SMC2: variants seen among roughly 807,000 people sequenced by gnomAD.
The protein encoded by SMC2 is structural maintenance of chromosomes protein 2.
In SMC2, 41 loss-of-function variants were observed where a neutral mutation model predicts 142.6. The observed-to-expected ratio is 0.29, with a 90% CI of 0.22 to 0.37. The LOEUF is 0.37. SMC2 is among the 10% of genes least tolerant of loss of function. SMC2 has a pLI of 1.00. For synonymous variants in SMC2, 463 were observed against 457.5 expected (o/e 1.01, Z -0.15); for missense variants, 1,265 against 1,373.7 (o/e 0.92, Z 1.25).
chr9:104,113,147 G>A (rs1056306828), intron 10 of SMC2, among the ~76,000 whole-genome samples, 169 bp from the exon 11 acceptor site: 2 of 151,972 alleles, frequency 1.3e-5, no homozygotes, highest in Admixed American at 1.3e-4. Context: ...TTTTTGAGGA[G>A]AAAATACTGG....
chr9:104,127,398 A>ACAATGATTC lies in SMC2; in HGVS notation c.2709_2717dup (p.Asn904_Ser906dup). ...GAAGTGGCAAAACACAAGGAGCAAA[A>ACAATGATTC]CAATGATTCTCAGCTTAAAATTAAG... On this transcript the variant is annotated inframe_insertion, in exon 20 of 25. Coordinates refer to ENST00000374793, the MANE Select transcript of SMC2 (RefSeq NM_006444.3). 3.1e-6 allele frequency: 5 copies of ACAATGATTC among 1,613,860 alleles called. No individual in the cohort carries two copies. The highest frequency in any genetic ancestry group is 4.2e-6 in the Non-Finnish European group (5 of 1,179,794).
intron 12 of SMC2, 116 bp from the exon 13 acceptor site, chr9:104,114,575 C>A: frequency 1.1e-6 from 1 of 931,120 alleles, no homozygotes; most frequent in Non-Finnish European, 1.6e-6. Flanking sequence ...AACCATTTTG[C>A]TGATTCTACT....
intron 9 of SMC2, among the ~76,000 whole-genome samples, chr9:104,108,391 G>T (rs537214038): frequency 1.2e-4 from 19 of 152,286 alleles, no homozygotes; most frequent in Admixed American, 2.6e-4. Context: ...CAGCCAGGCT[G>T]CATAAGCCTT....
At chr9:104,138,499 A>G (rs1835789329) in intron 24 of SMC2, among the ~76,000 whole-genome samples, 1 of 152,190 alleles carries the variant, frequency 6.6e-6, no homozygotes, top group Admixed American at 6.5e-5. Context: ...TGTCTCCGGG[A>G]TATTTAACTG....
chr9:104,103,635 C>G (rs1831420330), intron 9 of SMC2, among the ~76,000 whole-genome samples: 2 of 152,164 alleles, frequency 1.3e-5, no homozygotes, highest in Non-Finnish European at 2.9e-5. Context: ...TATATAGTCT[C>G]ACATGTAGGT....
chr9:104,115,939 A>G lies in SMC2; in HGVS notation c.1672-261A>G, dbSNP rs564511204. On this transcript the variant is annotated intron_variant, in intron 13 of 24. Coordinates refer to ENST00000374793, the MANE Select transcript of SMC2 (RefSeq NM_006444.3). Reference sequence around the variant, plus strand: ...CTTTTTTTTTTAAAAGATTCCATGTACAAGTGAGGTCATACAGTTTTTTAT... The same window carrying G: ...CTTTTTTTTTTAAAAGATTCCATGTGCAAGTGAGGTCATACAGTTTTTTAT... Among the ~76,000 whole-genome samples the G allele has an allele frequency of 3.2e-4, 49 of 152,016 alleles. No individual in the cohort carries two copies. The South Asian group carries it at 8.5e-3, about 26-fold the overall frequency.
At chr9:104,126,243 C>T (rs1008902476) in intron 18 of SMC2, among the ~76,000 whole-genome samples, 2 of 152,128 alleles carry the variant, frequency 1.3e-5, no homozygotes, top group South Asian at 2.1e-4. Flanking sequence ...AGGTTGGGGA[C>T]TGCTCTTCTA....
intron 16 of SMC2, among the ~76,000 whole-genome samples, chr9:104,121,569 T>C (rs1833742876): frequency 1.3e-5 from 2 of 152,208 alleles, no homozygotes; most frequent in African/African-American, 4.8e-5. Context: ...AAATAGGGAC[T>C]GATTTAAAAA....
intron 9 of SMC2, among the ~76,000 whole-genome samples, chr9:104,108,496 C>G (rs78091807): frequency 0.057 from 8,619 of 152,198 alleles, 655 homozygotes; most frequent in African/African-American, 0.18. Flanking sequence ...ATGCCTCAGG[C>G]ACTGTCTGAG....
chr9:104,139,615 A>G lies in SMC2; in HGVS notation c.*300A>G, dbSNP rs538154197. On this transcript the variant is annotated 3_prime_UTR_variant, in exon 25 of 25. Transcript: ENST00000374793. Reference sequence around the variant, plus strand: ...TACCCGATTCTATATGTAAAAGCTAATATACAAAAAAGCAGATTAAATTAC... The same window carrying G: ...TACCCGATTCTATATGTAAAAGCTAGTATACAAAAAAGCAGATTAAATTAC... The G allele has an allele frequency of 2.5e-5, 5 of 201,938 alleles. No homozygotes were observed. The highest frequency in any genetic ancestry group is 2.4e-4 in the East Asian group (2 of 8,224). The allele number at this position is 201,938 out of a possible 1,614,324, so 12.5% of individuals were successfully genotyped here.
chr9:104,117,970 A>ATCTT (rs1376406454), intron 14 of SMC2, among the ~76,000 whole-genome samples: 5 of 152,214 alleles, frequency 3.3e-5, no homozygotes, highest in African/African-American at 1.2e-4. Flanking sequence ...TTAGCAATAA[A>ATCTT]TCTTTCAGTA....
intron 4 of SMC2, 47 bp downstream of exon 4, chr9:104,098,615 T>G (rs769575161): frequency 2.6e-6 from 4 of 1,548,280 alleles, no homozygotes; most frequent in Non-Finnish European, 3.5e-6. Flanking sequence ...AGTTTCGACA[T>G]TTTTTACTTT....
intron 11 of SMC2, among the ~76,000 whole-genome samples, 167 bp from the exon 12 acceptor site, chr9:104,113,797 T>C (rs1289897719): frequency 6.6e-6 from 1 of 152,172 alleles, no homozygotes; most frequent in Non-Finnish European, 1.5e-5. Flanking sequence ...GGAAATAATG[T>C]CTGTTTGACA....
intron 10 of SMC2, among the ~76,000 whole-genome samples, chr9:104,112,926 A>C (rs899251537): frequency 1.6e-4 from 24 of 152,156 alleles, no homozygotes; most frequent in Non-Finnish European, 4.4e-5. Flanking sequence ...GATAGCACTC[A>C]CAAATATATA....
intron 15 of SMC2, among the ~76,000 whole-genome samples, chr9:104,118,760 ATTAAG>A (rs1382964369): frequency 3.9e-5 from 6 of 152,340 alleles, no homozygotes; most frequent in African/African-American, 1.2e-4. Flanking sequence ...TTTACATTTA[ATTAAG>A]TTAAAAGTAA....
At chr9:104,132,174 C>T (rs376937886) in intron 22 of SMC2, 49 bp downstream of exon 22, 17 of 956,342 alleles carry the variant, frequency 1.8e-5, no homozygotes, top group African/African-American at 1.5e-4. Flanking sequence ...GAAAAAATAT[C>T]ATCAGTGGAG....
At chr9:104,089,380 T>A (rs1829960448), upstream of SMC2, among the ~76,000 whole-genome samples, 1 of 152,078 alleles carries the variant, frequency 6.6e-6, no homozygotes, top group South Asian at 2.1e-4. Flanking sequence ...AGGAACCAGT[T>A]GGAGGAGAAT....
intron 17 of SMC2, 41 bp from the exon 18 acceptor site, chr9:104,124,871 C>A: frequency 6.8e-7 from 1 of 1,477,812 alleles, no homozygotes; most frequent in Non-Finnish European, 9.2e-7. Flanking sequence ...TCAACCTTTA[C>A]CATTGTTAAC....
At chr9:104,133,643 A>C (rs1012128225) in intron 22 of SMC2, among the ~76,000 whole-genome samples, 2 of 152,146 alleles carry the variant, frequency 1.3e-5, no homozygotes, top group African/African-American at 4.8e-5. Flanking sequence ...ACAGATGGCC[A>C]AATTCCCAAA....
Sources: allele counts gnomAD v4.1 joint callset (sites outside exome capture counted in the v4.1 genomes callset), GRCh38; gene constraint gnomAD v4.1.1; transcripts MANE v1.5; gene names NCBI Gene and HGNC (gene_info 2026-07-23, HGNC 2026-07-21).